SH3RF3: variants seen among roughly 807,000 people sequenced by gnomAD.
SH3RF3 encodes SH3 domain containing ring finger 3.
A neutral mutation model predicts 66.3 loss-of-function variants in SH3RF3; 29 were observed. The ratio of observed to expected loss-of-function variants is 0.44; its 90% CI spans 0.33 to 0.60. The LOEUF (loss-of-function observed/expected upper bound fraction) is 0.60, where lower values mean the gene tolerates loss of function less well. SH3RF3 is among the 20% of genes least tolerant of loss of function. The pLI, the probability that SH3RF3 is intolerant of heterozygous loss-of-function variation, is 0.04. For synonymous variants in SH3RF3, 583 were observed against 532.0 expected (o/e 1.10, Z -1.32); for missense variants, 1,194 against 1,190.9 (o/e 1.00, Z -0.04).
chr2:109,243,123 C>T (rs888421568), intron 1 of SH3RF3, among the ~76,000 whole-genome samples: 2 of 152,232 alleles, frequency 1.3e-5, no homozygotes, highest in Admixed American at 1.3e-4. Context: ...GTCTTTCAGG[C>T]AGACAATTGG....
chr2:109,199,582 T>TCATCC (rs1558953881), intron 1 of SH3RF3, among the ~76,000 whole-genome samples: 1 of 474 alleles, frequency 2.1e-3, no homozygotes, highest in Non-Finnish European at 5.1e-3. Context: ...TGGAATGGAA[T>TCATCC]GGAATGGAAT....
At chr2:109,249,815 C>T (rs1319525126) in intron 1 of SH3RF3, among the ~76,000 whole-genome samples, 1 of 151,532 alleles carries the variant, frequency 6.6e-6, no homozygotes, top group Non-Finnish European at 1.5e-5. Context: ...CGCCACCGCG[C>T]CCGGCTAATT....
chr2:109,434,943 T>C (rs1465655438), intron 6 of SH3RF3, among the ~76,000 whole-genome samples: 2 of 152,222 alleles, frequency 1.3e-5, no homozygotes, highest in Non-Finnish European at 2.9e-5. Context: ...TATGGGAAGA[T>C]CCTCCAGCTC....
chr2:109,319,560 G>A (rs1174759518), intron 1 of SH3RF3, among the ~76,000 whole-genome samples: 6 of 152,238 alleles, frequency 3.9e-5, no homozygotes, highest in Non-Finnish European at 8.8e-5. Context: ...TCACAGGGCT[G>A]AAAACAAGCC....
At chr2:109,423,861 C>G (rs1676957156) in intron 5 of SH3RF3, among the ~76,000 whole-genome samples, 1 of 152,192 alleles carries the variant, frequency 6.6e-6, no homozygotes, top group African/African-American at 2.4e-5. Flanking sequence ...CCCCTGCCGC[C>G]TGCACCTCTA....
At chr2:109,180,654 G>C (rs1163206708) in intron 1 of SH3RF3, among the ~76,000 whole-genome samples, 1 of 151,808 alleles carries the variant, frequency 6.6e-6, no homozygotes, top group African/African-American at 2.4e-5. Context: ...CTTTTTGCTT[G>C]GCTCTCTTTG....
At chr2:109,253,002 C>T (rs572848015) in intron 1 of SH3RF3, among the ~76,000 whole-genome samples, 2 of 152,126 alleles carry the variant, frequency 1.3e-5, no homozygotes, top group South Asian at 4.2e-4. Flanking sequence ...AAATGTAGAC[C>T]CACATGTGTA....
At chr2:109,433,953 C>T (rs114440131) in intron 6 of SH3RF3, among the ~76,000 whole-genome samples, 1 of 152,228 alleles carries the variant, frequency 6.6e-6, no homozygotes, top group Admixed American at 6.5e-5. Flanking sequence ...CAGCCTCCTG[C>T]GGCTTCTTCA....
At chr2:109,212,532 C>G (rs1259515770) in intron 1 of SH3RF3, among the ~76,000 whole-genome samples, 1 of 152,196 alleles carries the variant, frequency 6.6e-6, no homozygotes, top group Non-Finnish European at 1.5e-5. Context: ...GGTAGCTTTG[C>G]CCAGCTGGCT....
intron 8 of SH3RF3, among the ~76,000 whole-genome samples, chr2:109,455,988 T>C (rs1315013133): frequency 6.6e-6 from 1 of 152,198 alleles, no homozygotes; most frequent in Non-Finnish European, 1.5e-5. Context: ...ATGCAGGTCT[T>C]AGGGGAGACC....
Position 109,436,844 on chromosome 2 carries a change from G to A in SH3RF3, c.1575-49G>A, listed in dbSNP as rs181518497. On this transcript the variant is annotated intron_variant, in intron 6 of 9. Transcript: ENST00000309415. ...GCTCTGCCAGAGGCCCACATGGCAC[G>A]AATGCCTCTGAGCCTCTCATCAGAA... The A allele has an allele frequency of 2.5e-5, 39 of 1,586,458 alleles. No homozygotes were observed. The East Asian group carries it at 4.5e-4, about 18-fold the overall frequency.
At chr2:109,284,185 G>T (rs1393955185) in intron 1 of SH3RF3, among the ~76,000 whole-genome samples, 1 of 152,190 alleles carries the variant, frequency 6.6e-6, no homozygotes, top group Non-Finnish European at 1.5e-5. Flanking sequence ...GGGGGTTGGG[G>T]CCTGCAGTTT....
intron 1 of SH3RF3, among the ~76,000 whole-genome samples, chr2:109,215,910 C>T (rs1022660414): frequency 6.6e-6 from 1 of 152,156 alleles, no homozygotes; most frequent in African/African-American, 2.4e-5. Context: ...CACAGAGCTG[C>T]GAATGTGGAA....
At chr2:109,132,348 GT>G (rs1676719460) in intron 1 of SH3RF3, among the ~76,000 whole-genome samples, 1 of 152,292 alleles carries the variant, frequency 6.6e-6, no homozygotes, top group East Asian at 1.9e-4. Context: ...TTAAAAAAAA[GT>G]TTTAATTTCT....
chr2:109,348,086 A>G (rs1682758617), intron 2 of SH3RF3, 137 bp downstream of exon 2: 1 of 1,235,410 alleles, frequency 8.1e-7, no homozygotes, highest in Non-Finnish European at 1.1e-6. Context: ...ACCCTGGGCA[A>G]ATGACCCAGC....
chr2:109,135,316 C>T (rs1302409316), intron 1 of SH3RF3, among the ~76,000 whole-genome samples: 3 of 152,174 alleles, frequency 2.0e-5, no homozygotes, highest in Non-Finnish European at 4.4e-5. Context: ...CCCCAGGACA[C>T]GTGGAAGGAG....
At chr2:109,497,287 T>A (rs1021259065) in intron 9 of SH3RF3, among the ~76,000 whole-genome samples, 2 of 152,190 alleles carry the variant, frequency 1.3e-5, no homozygotes, top group African/African-American at 4.8e-5. Flanking sequence ...ACTCAGGGGC[T>A]CATTCGTCTT....
At chr2:109,169,115 C>A (rs1370909287) in intron 1 of SH3RF3, among the ~76,000 whole-genome samples, 1 of 152,124 alleles carries the variant, frequency 6.6e-6, no homozygotes, top group Admixed American at 6.6e-5. Flanking sequence ...AGCAGGATTG[C>A]TGGTAGATTT....
At chr2:109,161,176 C>A (rs1184547893) in intron 1 of SH3RF3, among the ~76,000 whole-genome samples, 1 of 152,172 alleles carries the variant, frequency 6.6e-6, no homozygotes, top group Non-Finnish European at 1.5e-5. Flanking sequence ...AAGACTGGTT[C>A]TTTCGGAACA....
Sources: allele counts gnomAD v4.1 joint callset (sites outside exome capture counted in the v4.1 genomes callset), GRCh38; gene constraint gnomAD v4.1.1; transcripts MANE v1.5; gene names NCBI Gene and HGNC (gene_info 2026-07-23, HGNC 2026-07-21).